ABTB2: variants seen among roughly 807,000 people sequenced by gnomAD.
The protein encoded by ABTB2 is ankyrin repeat and BTB domain containing 2.
ABTB2 carries 56 observed loss-of-function variants against 104.1 expected under a neutral mutation model. The ratio of observed to expected loss-of-function variants is 0.54; its 90% CI spans 0.43 to 0.67. ABTB2 has a LOEUF of 0.67. Among genes scored for constraint, ABTB2 ranks in the 30% least tolerant of loss-of-function variants. The probability of loss-of-function intolerance (pLI) is 0.00; values close to 1 mark genes in which losing one functional copy is unlikely to be tolerated. For missense variants in ABTB2, 1,279 were observed against 1,407.7 expected, an observed-to-expected ratio of 0.91 and a Z score of 1.46; for synonymous variants, 606 against 608.2, an observed-to-expected ratio of 1.00 and a Z score of 0.05.
At chr11:34,337,437 C>T (rs747865051) in intron 1 of ABTB2, among the ~76,000 whole-genome samples, 3 of 152,226 alleles carry the variant, frequency 2.0e-5, no homozygotes, top group Non-Finnish European at 4.4e-5. Context: ...ATGGCACAAG[C>T]AGCTTTCTCA....
chr11:34,217,982 G>A (rs1853568652), intron 1 of ABTB2, among the ~76,000 whole-genome samples: 1 of 152,210 alleles, frequency 6.6e-6, no homozygotes, highest in Admixed American at 6.5e-5. Flanking sequence ...ACTCTAAGAG[G>A]TGTGCAGTGG....
At chr11:34,183,454 T>A (rs1428791839) in intron 3 of ABTB2, among the ~76,000 whole-genome samples, 1 of 152,158 alleles carries the variant, frequency 6.6e-6, no homozygotes, top group Non-Finnish European at 1.5e-5. Context: ...GACTACCGGG[T>A]GTAAACTAGA....
intron 1 of ABTB2, among the ~76,000 whole-genome samples, chr11:34,241,800 T>G (rs1853919691): frequency 6.6e-6 from 1 of 152,194 alleles, no homozygotes; most frequent in Admixed American, 6.5e-5. Context: ...ATTGGTTACC[T>G]TTTCATTCTA....
chr11:34,184,793 C>T (rs533834644), intron 3 of ABTB2, among the ~76,000 whole-genome samples: 18 of 152,366 alleles, frequency 1.2e-4, no homozygotes, highest in African/African-American at 3.4e-4. Flanking sequence ...CTACTGGCCA[C>T]GCCCCACCCA....
intron 2 of ABTB2, among the ~76,000 whole-genome samples, chr11:34,198,529 G>A (rs550272218): frequency 3.6e-4 from 55 of 152,092 alleles, no homozygotes; most frequent in Non-Finnish European, 7.4e-4. Flanking sequence ...TGGCCACAGG[G>A]ACACCTCAGA....
chr11:34,347,094 GTT>G (rs1855340973), intron 1 of ABTB2, among the ~76,000 whole-genome samples: 3 of 152,114 alleles, frequency 2.0e-5, no homozygotes, highest in Admixed American at 6.5e-5. Context: ...TAGTTTTCTT[GTT>G]TAATTTTTCC....
chr11:34,261,710 A>G (rs1016983611), intron 1 of ABTB2, among the ~76,000 whole-genome samples: 67 of 152,216 alleles, frequency 4.4e-4, no homozygotes, highest in African/African-American at 1.6e-3. Context: ...TGGGCATTAT[A>G]GTAAATTTAT....
At chr11:34,171,943 C>G (rs991659718) in intron 4 of ABTB2, among the ~76,000 whole-genome samples, 1 of 152,222 alleles carries the variant, frequency 6.6e-6, no homozygotes, top group Admixed American at 6.5e-5. Context: ...GGGCGCATCA[C>G]AGACGTCCAG....
chr11:34,283,135 T>C (rs1854467975), intron 1 of ABTB2, among the ~76,000 whole-genome samples: 1 of 147,468 alleles, frequency 6.8e-6, no homozygotes, highest in East Asian at 2.1e-4. Context: ...AGCCAGGACA[T>C]TCTCGATCTC....
intron 3 of ABTB2, among the ~76,000 whole-genome samples, chr11:34,189,443 A>T (rs943643251): frequency 3.3e-5 from 5 of 152,278 alleles, no homozygotes; most frequent in East Asian, 1.9e-4. Context: ...TCTACAAAAA[A>T]TAAAAAAATT....
chr11:34,207,003 C>A (rs1169982704), intron 1 of ABTB2, among the ~76,000 whole-genome samples: 1 of 152,214 alleles, frequency 6.6e-6, no homozygotes, highest in South Asian at 2.1e-4. Flanking sequence ...ATTGGGCTCT[C>A]CCCCGCAGCC....
At chr11:34,164,845 G>T in intron 8 of ABTB2, 24 bp from the exon 9 acceptor site, 1 of 1,580,982 alleles carries the variant, frequency 6.3e-7, no homozygotes. Context: ...TGGGCAGCAC[G>T]GAGGACACTG....
At chr11:34,223,602 C>T (rs1229496062) in intron 1 of ABTB2, among the ~76,000 whole-genome samples, 1 of 152,234 alleles carries the variant, frequency 6.6e-6, no homozygotes. Flanking sequence ...GCTCTGGGAA[C>T]TGTCACCCCT....
chr11:34,167,802 A>T, intron 6 of ABTB2, 101 bp downstream of exon 6: 2 of 1,217,020 alleles, frequency 1.6e-6, no homozygotes, highest in Non-Finnish European at 2.4e-6. Context: ...ACACACATCT[A>T]CTCAGTTGCC....
At chr11:34,283,873 C>T (rs1340973339) in intron 1 of ABTB2, among the ~76,000 whole-genome samples, 3 of 152,192 alleles carry the variant, frequency 2.0e-5, no homozygotes, top group Admixed American at 2.0e-4. Flanking sequence ...TAATAAGATC[C>T]TTTCTAAAGC....
chr11:34,181,726 A>G (rs775574276), intron 3 of ABTB2, among the ~76,000 whole-genome samples: 34 of 152,200 alleles, frequency 2.2e-4, no homozygotes, highest in Non-Finnish European at 4.6e-4. Context: ...ACTGTGCCAC[A>G]GGCTTGCTTC....
chr11:34,290,210 T>C (rs1019111678), intron 1 of ABTB2, among the ~76,000 whole-genome samples: 6 of 152,246 alleles, frequency 3.9e-5, no homozygotes, highest in Non-Finnish European at 5.9e-5. Context: ...AGTGTCTTTC[T>C]AGATTACATT....
At chr11:34,229,852 A>G (rs1456534908) in intron 1 of ABTB2, among the ~76,000 whole-genome samples, 2 of 152,198 alleles carry the variant, frequency 1.3e-5, no homozygotes, top group African/African-American at 4.8e-5. Flanking sequence ...GTTTCATTTC[A>G]CTTATTACAC....
chr11:34,243,642 GAAC>G (rs1360448576), intron 1 of ABTB2, among the ~76,000 whole-genome samples: 1 of 152,208 alleles, frequency 6.6e-6, no homozygotes, highest in African/African-American at 2.4e-5. Context: ...GTGAAAATGG[GAAC>G]AACAATATTG....
Sources: gnomAD v4.1 joint callset for allele counts (sites outside exome capture counted in the v4.1 genomes callset) on GRCh38, gnomAD v4.1.1 for gene constraint, MANE v1.5 for transcripts, NCBI Gene and HGNC (gene_info 2026-07-23, HGNC 2026-07-21) for gene names.